The following GAB1 variants were observed in gnomAD, a reference collection of about 807,000 sequenced individuals.
GAB1 encodes the protein GRB2 associated binding protein 1, also known as GRB2-associated-binding protein 1.
In GAB1, 19 loss-of-function variants were observed where a neutral mutation model predicts 66.5. The ratio of observed to expected loss-of-function variants is 0.29; its 90% CI spans 0.20 to 0.42. The LOEUF is 0.42. GAB1 is among the 10% of genes least tolerant of loss of function. The probability of loss-of-function intolerance (pLI) is 1.00; values close to 1 mark genes in which losing one functional copy is unlikely to be tolerated. For synonymous variants in GAB1, 294 were observed against 301.4 expected (o/e 0.98, Z 0.25); for missense variants, 732 against 858.5 (o/e 0.85, Z 1.84).
intron 1 of GAB1, among the ~76,000 whole-genome samples, chr4:143,357,865 C>CATATATAT (rs28989211): frequency 7.2e-4 from 108 of 148,978 alleles, no homozygotes; most frequent in African/African-American, 2.6e-3. Flanking sequence ...AGTTTTAAAT[C>CATATATAT]ATATATATAT....
At chr4:143,375,406 C>G (rs1730372229) in intron 1 of GAB1, among the ~76,000 whole-genome samples, 1 of 152,196 alleles carries the variant, frequency 6.6e-6, no homozygotes, top group East Asian at 1.9e-4. Flanking sequence ...AACCCCATTG[C>G]TTCTTGCCGT....
At chr4:143,431,613 A>G (rs1434198477) in intron 2 of GAB1, among the ~76,000 whole-genome samples, 1 of 152,198 alleles carries the variant, frequency 6.6e-6, no homozygotes, top group Non-Finnish European at 1.5e-5. Context: ...GTGGGGAGGA[A>G]GAGAATAAAC....
intron 1 of GAB1, among the ~76,000 whole-genome samples, chr4:143,368,836 G>A (rs189248266): frequency 6.6e-6 from 1 of 152,172 alleles, no homozygotes; most frequent in African/African-American, 2.4e-5. Context: ...AGAGGCTGGA[G>A]CACTATGGCG....
intron 1 of GAB1, among the ~76,000 whole-genome samples, chr4:143,358,027 A>G (rs1729516834): frequency 2.0e-5 from 3 of 152,138 alleles, no homozygotes; most frequent in Non-Finnish European, 4.4e-5. Context: ...TTAAAAAACC[A>G]CTTTTAAAAA....
chr4:143,370,452 G>T (rs1730071777), intron 1 of GAB1, among the ~76,000 whole-genome samples: 1 of 152,178 alleles, frequency 6.6e-6, no homozygotes, highest in East Asian at 1.9e-4. Context: ...GGCTCAAAGA[G>T]TACAAATAGG....
At chr4:143,364,615 CTTT>C (rs1025051237) in intron 1 of GAB1, among the ~76,000 whole-genome samples, 36 of 152,252 alleles carry the variant, frequency 2.4e-4, no homozygotes, top group African/African-American at 8.4e-4. Flanking sequence ...AGCAGAACGG[CTTT>C]TTCCTGACAT....
rs926582302 is a variant in GAB1, at chr4:143,376,096, C to T, written c.72+38836C>T. The stretch of plus-strand genomic sequence containing the variant: ...TGGAGAACTCCTCGCCCCACACCAG[C>T]GCCAGCACCCCTCCCCAACCCCCTA... On this transcript the variant is annotated intron_variant, in intron 1 of 9. Coordinates refer to ENST00000262994, the MANE Select transcript of GAB1 (RefSeq NM_002039.4). 5.9e-5 allele frequency among the ~76,000 whole-genome samples: 9 copies of T among 151,874 alleles called. No individual in the cohort carries two copies. The South Asian group carries it at 6.3e-4, about 11-fold the overall frequency.
chr4:143,425,426 G>A, intron 2 of GAB1: 2 of 759,280 alleles, frequency 2.6e-6, no homozygotes, highest in Non-Finnish European at 4.8e-6. Flanking sequence ...TGACCCCAGG[G>A]CTGAAGACCA....
chr4:143,427,925 TTCCA>T (rs1733451614), intron 2 of GAB1, among the ~76,000 whole-genome samples: 1 of 152,200 alleles, frequency 6.6e-6, no homozygotes, highest in African/African-American at 2.4e-5. Flanking sequence ...TCTTTCTTTC[TTCCA>T]TCATTATATC....
chr4:143,459,452 T>G lies in GAB1; in HGVS notation c.1653T>G (p.Ser551=). ...EWEELQAPVR[S]PITRSFARDS... ...AAGAATTACAAGCCCCAGTTAGATC[T>G]CCCATCACTAGGAGTTTTGCTCGAG... The change falls in exon 7 of 10, where the codon TCT becomes TCG. Residue 551 remains serine, a synonymous_variant. Transcript: ENST00000262994. 6.2e-7 allele frequency: 1 copy of G among 1,600,528 alleles called. No individual in the cohort carries two copies. Among genetic ancestry groups the G allele is most frequent in the Non-Finnish European group, 8.6e-7 (1 of 1,167,742 alleles).
chr4:143,386,562 A>AT (rs879871963), intron 1 of GAB1, among the ~76,000 whole-genome samples: 2 of 151,822 alleles, frequency 1.3e-5, no homozygotes, highest in Non-Finnish European at 2.9e-5. Flanking sequence ...TAATTTTTTG[A>AT]TTTTTTATAG....
intron 1 of GAB1, among the ~76,000 whole-genome samples, chr4:143,347,410 A>G (rs951759438): frequency 1.2e-4 from 19 of 152,228 alleles, no homozygotes; most frequent in Admixed American, 5.9e-4. Context: ...CTAATTACAC[A>G]TATCTCCTTC....
At chr4:143,463,622 C>CA (rs76973454) in intron 8 of GAB1, among the ~76,000 whole-genome samples, 12,149 of 66,034 alleles carry the variant, frequency 0.18, 1,560 homozygotes, top group African/African-American at 0.42. Context: ...GACTCCATCT[C>CA]AAAAAAAAAA....
At chr4:143,463,867 A>G (rs1435348133) in intron 8 of GAB1, among the ~76,000 whole-genome samples, 1 of 152,248 alleles carries the variant, frequency 6.6e-6, no homozygotes, top group East Asian at 1.9e-4. Flanking sequence ...AATAACAGAC[A>G]TAAAATAGGT....
intron 2 of GAB1, among the ~76,000 whole-genome samples, chr4:143,423,017 T>C (rs72949189): frequency 0.12 from 18,848 of 152,216 alleles, 2,788 homozygotes; most frequent in African/African-American, 0.36. Context: ...ATTCTATTAC[T>C]GGTACAGTAG....
At chr4:143,420,723 C>T (rs1359308138) in intron 2 of GAB1, among the ~76,000 whole-genome samples, 3 of 151,924 alleles carry the variant, frequency 2.0e-5, no homozygotes, top group Non-Finnish European at 4.4e-5. Flanking sequence ...AGAAAGTTGC[C>T]TCTGAGTTGC....
intron 6 of GAB1, among the ~76,000 whole-genome samples, chr4:143,451,317 G>A (rs1462586669): frequency 6.6e-6 from 1 of 152,072 alleles, no homozygotes; most frequent in Non-Finnish European, 1.5e-5. Flanking sequence ...CCAGAGTCGT[G>A]GGGAGGTAGG....
intron 1 of GAB1, among the ~76,000 whole-genome samples, chr4:143,368,567 A>T (rs548492658): frequency 1.4e-4 from 22 of 152,328 alleles, no homozygotes; most frequent in South Asian, 1.0e-3. Context: ...ATTGTAATAT[A>T]CAAGTAGTTC....
At chr4:143,378,045 A>G (rs1730488874) in intron 1 of GAB1, among the ~76,000 whole-genome samples, 1 of 152,186 alleles carries the variant, frequency 6.6e-6, no homozygotes, top group Admixed American at 6.5e-5. Context: ...ATATACTCAC[A>G]CGCTTTGCCG....
Sources: gnomAD v4.1 joint callset for allele counts (sites outside exome capture counted in the v4.1 genomes callset) on GRCh38, gnomAD v4.1.1 for gene constraint, MANE v1.5 for transcripts, NCBI Gene and HGNC (gene_info 2026-07-23, HGNC 2026-07-21) for gene names.